ACTR3C: variants seen among roughly 807,000 people sequenced by gnomAD.
ACTR3C encodes actin related protein 3C.
Under a neutral mutation model 26.3 loss-of-function variants are expected in ACTR3C, and 18 were observed. The observed-to-expected ratio is 0.68, with a 90% CI of 0.47 to 1.01. The LOEUF (loss-of-function observed/expected upper bound fraction) is 1.01. ACTR3C is among the 50% of genes least tolerant of loss of function. ACTR3C has a pLI of 0.00. For synonymous variants in ACTR3C, 55 were observed against 94.5 expected (o/e 0.58, Z 2.42); for missense variants, 184 against 250.7 (o/e 0.73, Z 1.80).
the ACTR3C span, among the ~76,000 whole-genome samples, chr7:150,081,758 G>C: frequency 6.6e-6 from 1 of 151,244 alleles, no homozygotes; most frequent in Non-Finnish European, 1.5e-5. Flanking sequence ...GGGGGAAGGA[G>C]ATATTTGAGA....
At chr7:149,905,712 C>G in the ACTR3C span, among the ~76,000 whole-genome samples, 1 of 151,428 alleles carries the variant, frequency 6.6e-6, no homozygotes, top group African/African-American at 2.4e-5. Context: ...TACCAGTAAT[C>G]TGAGAAATAG....
chr7:150,035,572 G>T, the ACTR3C span, among the ~76,000 whole-genome samples: 4 of 133,068 alleles, frequency 3.0e-5, no homozygotes, highest in African/African-American at 1.2e-4. Flanking sequence ...AGCCGGGGGG[G>T]AAGAGGGACT....
chr7:150,079,567 G>C, the ACTR3C span, among the ~76,000 whole-genome samples: 125 of 152,226 alleles, frequency 8.2e-4, no homozygotes, highest in Middle Eastern at 0.014. Context: ...CAAGCCCTGT[G>C]GTCCTCCGTT....
the ACTR3C span, among the ~76,000 whole-genome samples, chr7:150,003,229 G>A: frequency 2.6e-5 from 4 of 152,208 alleles, no homozygotes; most frequent in African/African-American, 9.7e-5. Context: ...TATGTATGGT[G>A]TATGTGGTGT....
At chr7:150,068,639 C>T in the ACTR3C span, among the ~76,000 whole-genome samples, 11 of 134,908 alleles carry the variant, frequency 8.2e-5, no homozygotes, top group African/African-American at 1.9e-4. Flanking sequence ...AAAAAATAGG[C>T]GGGTGTGGTG....
chr7:150,149,810 C>A, the ACTR3C span, among the ~76,000 whole-genome samples: 4 of 152,210 alleles, frequency 2.6e-5, no homozygotes, highest in Non-Finnish European at 5.9e-5. Flanking sequence ...CTTCCCTTCC[C>A]AATGAGGTTA....
the ACTR3C span, among the ~76,000 whole-genome samples, chr7:150,156,715 C>G: frequency 6.6e-6 from 1 of 152,194 alleles, no homozygotes; most frequent in African/African-American, 2.4e-5. Context: ...AGGCAAATGA[C>G]TCTTCCCTCC....
chr7:150,282,300 A>T (rs1584919219), intron 6 of ACTR3C, among the ~76,000 whole-genome samples: 1 of 151,712 alleles, frequency 6.6e-6, no homozygotes, highest in African/African-American at 2.4e-5. Flanking sequence ...TGCCGACCAC[A>T]CCAGACGTGA....
chr7:150,131,434 C>T, the ACTR3C span, among the ~76,000 whole-genome samples: 1,012 of 151,558 alleles, frequency 6.7e-3, 8 homozygotes, highest in African/African-American at 0.023. Context: ...CCCAAAAAGC[C>T]GCTCTTCTGT....
the ACTR3C span, among the ~76,000 whole-genome samples, chr7:150,135,833 A>G: frequency 6.6e-6 from 1 of 150,950 alleles, no homozygotes; most frequent in East Asian, 1.9e-4. Flanking sequence ...AAAAGAAAAG[A>G]AAGGAAAGAA....
At chr7:150,000,732 C>T in the ACTR3C span, 2 of 135,802 alleles carry the variant, frequency 1.5e-5, no homozygotes, top group Non-Finnish European at 3.2e-5. Flanking sequence ...AAACCGGGGG[C>T]GATGTCACAC....
the ACTR3C span, among the ~76,000 whole-genome samples, chr7:150,121,381 G>T: frequency 1.3e-5 from 2 of 152,008 alleles, no homozygotes; most frequent in Admixed American, 1.3e-4. Flanking sequence ...CTTCAGCAAA[G>T]TCTCAGGATA....
the ACTR3C span, among the ~76,000 whole-genome samples, chr7:150,127,826 C>T: frequency 0.069 from 10,421 of 151,042 alleles, 423 homozygotes; most frequent in African/African-American, 0.14. Flanking sequence ...GGCACCGTTA[C>T]ATCTAACCCA....
rs564762125 is a variant in ACTR3C, at chr7:150,310,200, C to T, written c.-52+13269G>A. Among the ~76,000 whole-genome samples the T allele has an allele frequency of 2.6e-5, 4 of 152,244 alleles. No individual in the cohort carries two copies. The East Asian group carries it at 5.8e-4, about 22-fold the overall frequency. ...TGCTGTCCTTTTGCCCAATTCAAGG[C>T]CTCTTTCACATCCTCCCTTTGTGTC... is the stretch of plus-strand genomic sequence containing the variant. On this transcript the variant is annotated intron_variant, in intron 1 of 7. Coordinates refer to ENST00000683684, the MANE Select transcript of ACTR3C (RefSeq NM_001164458.2).
the ACTR3C span, among the ~76,000 whole-genome samples, chr7:150,093,430 T>C: frequency 6.6e-6 from 1 of 151,282 alleles, no homozygotes; most frequent in Non-Finnish European, 1.5e-5. Flanking sequence ...GGGATTCTTT[T>C]ATAAGAAGCC....
chr7:149,908,112 C>T, the ACTR3C span, among the ~76,000 whole-genome samples: 4 of 152,116 alleles, frequency 2.6e-5, no homozygotes, highest in South Asian at 8.3e-4. Flanking sequence ...TCCCCAGCAA[C>T]CCCACACACT....
the ACTR3C span, among the ~76,000 whole-genome samples, chr7:150,158,155 C>T: frequency 6.6e-6 from 1 of 152,166 alleles, no homozygotes; most frequent in East Asian, 1.9e-4. Flanking sequence ...TCACTTCACC[C>T]GTTAGGATGT....
intron 6 of ACTR3C, among the ~76,000 whole-genome samples, chr7:150,279,184 A>T (rs1367982180): frequency 6.6e-6 from 1 of 152,108 alleles, no homozygotes; most frequent in Non-Finnish European, 1.5e-5. Flanking sequence ...CCACACCTGT[A>T]GTTCCAGCTA....
chr7:150,127,026 T>G, the ACTR3C span, among the ~76,000 whole-genome samples: 2 of 152,260 alleles, frequency 1.3e-5, no homozygotes, highest in African/African-American at 4.8e-5. Flanking sequence ...ACATTAAAGG[T>G]TCTGTAGTCC....
Sources: gnomAD v4.1 joint callset for allele counts (sites outside exome capture counted in the v4.1 genomes callset) on GRCh38, gnomAD v4.1.1 for gene constraint, MANE v1.5 for transcripts, NCBI Gene and HGNC (gene_info 2026-07-23, HGNC 2026-07-21) for gene names.